Variants in SYN2 observed in about 807,000 individuals in gnomAD.
SYN2 encodes synapsin II, also known as synapsin-2.
SYN2 carries 19 observed loss-of-function variants against 50.9 expected under a neutral mutation model. That is an observed-to-expected ratio of 0.37 (90% CI 0.26 to 0.55). The LOEUF (loss-of-function observed/expected upper bound fraction) is 0.55. Ranked by LOEUF, SYN2 falls within the 20% of genes least tolerant of loss-of-function variation. SYN2 has a pLI of 0.81. For synonymous variants in SYN2, 255 were observed against 224.9 expected (o/e 1.13, Z -1.20); for missense variants, 587 against 576.4 (o/e 1.02, Z -0.19).
chr3:12,160,562 T>A (rs1697623443), intron 5 of SYN2, among the ~76,000 whole-genome samples: 1 of 152,202 alleles, frequency 6.6e-6, no homozygotes, highest in Non-Finnish European at 1.5e-5. Context: ...AATGCCCGGG[T>A]TAGCATCCAG....
intron 1 of SYN2, among the ~76,000 whole-genome samples, chr3:12,015,758 CCT>C (rs1185414440): frequency 6.6e-6 from 1 of 152,190 alleles, no homozygotes; most frequent in Middle Eastern, 3.2e-3. Context: ...CTCTGCTTCT[CCT>C]CTCTCAGCCT....
At chr3:12,050,837 G>A (rs935740304) in intron 1 of SYN2, among the ~76,000 whole-genome samples, 3 of 140,118 alleles carry the variant, frequency 2.1e-5, no homozygotes, top group African/African-American at 7.8e-5. Context: ...CCGGGTTCAC[G>A]CCATTCTCCT....
At chr3:12,170,668 CA>C (rs1697917658) in intron 10 of SYN2, among the ~76,000 whole-genome samples, 1 of 152,216 alleles carries the variant, frequency 6.6e-6, no homozygotes, top group Admixed American at 6.5e-5. Context: ...GACAATGAAT[CA>C]AAAGCTGAAC....
chr3:12,053,278 A>G (rs1278200903), intron 1 of SYN2, among the ~76,000 whole-genome samples: 1 of 151,806 alleles, frequency 6.6e-6, no homozygotes, highest in Non-Finnish European at 1.5e-5. Context: ...AAAATTAGCC[A>G]GGCATGGTGG....
At position 12,050,711 on chromosome 3, in the gene SYN2, C is replaced by CTTTTTTTTTTTT. The variant is rs57099569; in HGVS notation, c.377+45807_377+45818dup. Among the ~76,000 whole-genome samples the CTTTTTTTTTTTT allele has an allele frequency of 3.1e-3, 156 of 50,570 alleles. 58 individuals carry two copies. Among genetic ancestry groups the CTTTTTTTTTTTT allele is most frequent in the Middle Eastern group, 0.05 (2 of 40 alleles). 33.2% of individuals were successfully genotyped at this position (50,570 alleles called of 152,430 possible). ...AATAATCTCATCTTTCTTCTCTTCTCTTTTTTTTTTTTTTTTTTTTTTTTT... is the reference window on the plus strand; with the variant it reads ...AATAATCTCATCTTTCTTCTCTTCTCTTTTTTTTTTTTTTTTTTTTTTTTTTTTTTTTTTTTT... On this transcript the variant is annotated intron_variant, in intron 1 of 12. Coordinates refer to ENST00000621198, the MANE Select transcript of SYN2 (RefSeq NM_133625.6).
intron 10 of SYN2, among the ~76,000 whole-genome samples, chr3:12,178,216 C>G (rs1018230341): frequency 2.6e-5 from 4 of 152,190 alleles, no homozygotes; most frequent in Non-Finnish European, 5.9e-5. Context: ...GGCCTCTTTC[C>G]TGGGGCCAGA....
chr3:12,158,739 C>T (rs374752197), intron 5 of SYN2: 33 of 1,609,170 alleles, frequency 2.1e-5, no homozygotes, highest in Middle Eastern at 1.6e-4. Flanking sequence ...GAGGGTGCGC[C>T]GGGGCGCAGC....
At chr3:12,088,519 A>G (rs1053549172) in intron 1 of SYN2, among the ~76,000 whole-genome samples, 2 of 152,216 alleles carry the variant, frequency 1.3e-5, no homozygotes, top group East Asian at 1.9e-4. Context: ...TAATTACTGT[A>G]CAATCCAGCT....
intron 1 of SYN2, among the ~76,000 whole-genome samples, chr3:12,068,355 C>G (rs932783480): frequency 6.6e-6 from 1 of 152,176 alleles, no homozygotes; most frequent in Non-Finnish European, 1.5e-5. Flanking sequence ...AAGTTTGCAG[C>G]CACTTTGATT....
rs564584662 is a variant in SYN2, at chr3:12,180,630, A to T, written c.1309-2682A>T. Among the ~76,000 whole-genome samples, 224 of 152,278 alleles carry T rather than the reference A, an allele frequency of 1.5e-3. 2 individuals are homozygous for T. The highest frequency in any genetic ancestry group is 0.01 in the Middle Eastern group (3 of 294). ...GGGAATTCTCCTCCCCGCCTCCCGT[A>T]GCCCCTGAGAAGTCTTCCATACACA... is the stretch of plus-strand genomic sequence containing the variant. On this transcript the variant is annotated intron_variant, in intron 10 of 12. Coordinates refer to ENST00000621198, the MANE Select transcript of SYN2 (RefSeq NM_133625.6).
intron 1 of SYN2, chr3:12,070,370 A>G: frequency 1.9e-6 from 1 of 522,320 alleles, no homozygotes; most frequent in East Asian, 4.8e-5. Flanking sequence ...GGCATGGGTC[A>G]GAAGGACTCC....
intron 1 of SYN2, among the ~76,000 whole-genome samples, chr3:12,140,391 C>G (rs1026473375): frequency 6.6e-6 from 1 of 152,024 alleles, no homozygotes; most frequent in African/African-American, 2.4e-5. Context: ...CGTTTTATAG[C>G]CAAAAGACCA....
chr3:12,024,248 C>T (rs564553161), intron 1 of SYN2, among the ~76,000 whole-genome samples: 7 of 146,782 alleles, frequency 4.8e-5, no homozygotes, highest in Admixed American at 3.5e-4. Flanking sequence ...CATCCACCTC[C>T]AGGGTTCAAG....
At chr3:12,100,410 TG>T (rs781252683) in intron 1 of SYN2, among the ~76,000 whole-genome samples, 55 of 152,158 alleles carry the variant, frequency 3.6e-4, no homozygotes, top group Non-Finnish European at 6.5e-4. Flanking sequence ...CAAAAGGTGC[TG>T]GGGCAACTGC....
Position 12,190,625 on chromosome 3 carries a change from G to A in SYN2, c.1749G>A (p.Ter583=). The change falls in exon 13 of 13, where the codon TAG becomes TAA. Residue 583 remains the stop codon, a stop_retained_variant. Transcript: ENST00000621198. ...CCTTTGCCAGCCTCTTTTCAGATTA[G>A]CTCTTCAGACACACGGGGCACCCAG... ...RKSFASLFSD[*] is the part of the protein sequence containing the mutation. 1 of 1,612,252 alleles carries A rather than the reference G, an allele frequency of 6.2e-7. No individual in the cohort carries two copies. Among genetic ancestry groups the A allele is most frequent in the Non-Finnish European group, 8.5e-7 (1 of 1,179,274 alleles).
intron 1 of SYN2, among the ~76,000 whole-genome samples, chr3:12,118,824 G>A (rs1411178247): frequency 6.6e-6 from 1 of 151,966 alleles, no homozygotes; most frequent in Non-Finnish European, 1.5e-5. Flanking sequence ...AGTAGCCAAA[G>A]CAAAAAAACA....
At chr3:12,035,472 A>T (rs1694478802) in intron 1 of SYN2, among the ~76,000 whole-genome samples, 1 of 152,240 alleles carries the variant, frequency 6.6e-6, no homozygotes, top group African/African-American at 2.4e-5. Flanking sequence ...TGAGGCATTT[A>T]TTGCAGGGCA....
At chr3:12,057,227 G>A (rs1695010503) in intron 1 of SYN2, among the ~76,000 whole-genome samples, 1 of 151,752 alleles carries the variant, frequency 6.6e-6, no homozygotes, top group Non-Finnish European at 1.5e-5. Context: ...AGGAGGCAGA[G>A]GTTTCAGTGA....
At chr3:12,016,773 T>C (rs372281299) in intron 1 of SYN2, among the ~76,000 whole-genome samples, 121 of 152,216 alleles carry the variant, frequency 7.9e-4, no homozygotes, top group African/African-American at 2.7e-3. Flanking sequence ...GGAGAATTGC[T>C]TGAACTTGGA....
Sources: allele counts gnomAD v4.1 joint callset (sites outside exome capture counted in the v4.1 genomes callset), GRCh38; gene constraint gnomAD v4.1.1; transcripts MANE v1.5; gene names NCBI Gene and HGNC (gene_info 2026-07-23, HGNC 2026-07-21).